LSAMP: variants seen among roughly 807,000 people sequenced by gnomAD.
The protein encoded by LSAMP is limbic system-associated membrane protein.
LSAMP carries 7 observed loss-of-function variants against 38.6 expected under a neutral mutation model. The ratio of observed to expected loss-of-function variants is 0.18; its 90% CI spans 0.10 to 0.34. The LOEUF is 0.34. Ranked by LOEUF, LSAMP falls within the 10% of genes least tolerant of loss-of-function variation. The pLI, the probability that LSAMP is intolerant of heterozygous loss-of-function variation, is 1.00. For synonymous variants in LSAMP, 154 were observed against 166.8 expected, an observed-to-expected ratio of 0.92 and a Z score of 0.59; for missense variants, 313 against 420.0, an observed-to-expected ratio of 0.75 and a Z score of 2.23.
chr3:116,306,959 T>C (rs1450554945), intron 1 of LSAMP, among the ~76,000 whole-genome samples: 1 of 151,982 alleles, frequency 6.6e-6, no homozygotes, highest in Non-Finnish European at 1.5e-5. Flanking sequence ...CAACTCATTG[T>C]CAATCTAAAG....
intron 3 of LSAMP, among the ~76,000 whole-genome samples, chr3:115,941,809 A>T (rs1937930450): frequency 6.6e-6 from 1 of 152,104 alleles, no homozygotes; most frequent in South Asian, 2.1e-4. Flanking sequence ...GATAAATGAG[A>T]AGATACTGAT....
intron 3 of LSAMP, among the ~76,000 whole-genome samples, chr3:115,862,981 C>A (rs535422762): frequency 1.3e-5 from 2 of 152,138 alleles, no homozygotes; most frequent in Non-Finnish European, 2.9e-5. Flanking sequence ...TGGGCCCATG[C>A]GCTCCTAGAA....
chr3:116,236,395 A>G (rs546697516), intron 1 of LSAMP, among the ~76,000 whole-genome samples: 4 of 152,254 alleles, frequency 2.6e-5, no homozygotes, highest in Non-Finnish European at 2.9e-5. Flanking sequence ...ATTTGTTTTA[A>G]GGTTCATGTT....
intron 2 of LSAMP, among the ~76,000 whole-genome samples, chr3:116,025,032 G>T (rs941864953): frequency 3.3e-5 from 5 of 151,862 alleles, no homozygotes; most frequent in Non-Finnish European, 7.4e-5. Flanking sequence ...TGCCTAGAAA[G>T]TACTGTTTAA....
chr3:115,843,447 G>T (rs1394422754), intron 4 of LSAMP, among the ~76,000 whole-genome samples: 1 of 152,220 alleles, frequency 6.6e-6, no homozygotes, highest in Non-Finnish European at 1.5e-5. Context: ...TCCTGAACTG[G>T]ATGATGCTGT....
chr3:116,373,967 C>T (rs191910682), intron 1 of LSAMP, among the ~76,000 whole-genome samples: 14 of 151,966 alleles, frequency 9.2e-5, no homozygotes, highest in Admixed American at 9.2e-4. Context: ...TCTTAAGAAT[C>T]CCAGAGTCCA....
rs76062136 is a variant in LSAMP, at chr3:116,156,993, AG to A, written c.156-70438del. ...GATATTCTAAGGACTCTAATGATTG[AG>A]TAGGCAGTCTCAGGAAGGAGGTTAT... On this transcript the variant is annotated intron_variant, in intron 1 of 6. Coordinates refer to ENST00000490035, the MANE Select transcript of LSAMP (RefSeq NM_002338.5). Among the ~76,000 whole-genome samples, 13 of 152,254 alleles carry A rather than the reference AG, an allele frequency of 8.5e-5. No individual in the cohort carries two copies. The East Asian group carries it at 1.9e-3, about 23-fold the overall frequency.
At chr3:116,300,425 A>ATTGAC (rs1302753061) in intron 1 of LSAMP, among the ~76,000 whole-genome samples, 1 of 152,174 alleles carries the variant, frequency 6.6e-6, no homozygotes, top group African/African-American at 2.4e-5. Flanking sequence ...CCGCTCTCCT[A>ATTGAC]TTGACTTGAT....
intron 1 of LSAMP, among the ~76,000 whole-genome samples, chr3:116,218,259 A>C (rs150530226): frequency 1.5e-4 from 23 of 152,298 alleles, no homozygotes; most frequent in African/African-American, 4.6e-4. Flanking sequence ...TGATGTAATC[A>C]ATCTCAGAAG....
Position 115,803,872 on chromosome 3 carries a change from G to A in LSAMP, c.*6445C>T, listed in dbSNP as rs1222694092. ...GAGTTTCCAAAGACACACATTTACT[G>A]TAATGAGGTACTTGGCCCAGGATGA... On this transcript the variant is annotated 3_prime_UTR_variant, in exon 7 of 7. Transcript: ENST00000490035. 1.3e-5 allele frequency: 2 copies of A among 152,170 alleles called. No individual in the cohort carries two copies. The allele number at this position is 152,170 out of a possible 1,614,324, so 9.4% of individuals were successfully genotyped here.
chr3:116,240,406 A>T (rs2046517304), intron 1 of LSAMP, among the ~76,000 whole-genome samples: 1 of 152,192 alleles, frequency 6.6e-6, no homozygotes, highest in Non-Finnish European at 1.5e-5. Flanking sequence ...AATCCACACT[A>T]GCAAGATTAA....
At chr3:116,046,157 C>A (rs371602946) in intron 2 of LSAMP, among the ~76,000 whole-genome samples, 4 of 152,306 alleles carry the variant, frequency 2.6e-5, no homozygotes, top group East Asian at 1.9e-4. Context: ...CATAGCATTT[C>A]CTAGAATTTA....
chr3:116,423,004 T>C (rs181344877), intron 1 of LSAMP, among the ~76,000 whole-genome samples: 117 of 152,260 alleles, frequency 7.7e-4, no homozygotes, highest in South Asian at 3.9e-3. Context: ...CCCGTGAGAG[T>C]TGTTACTTTA....
chr3:116,283,217 AAGAAG>A (rs1358662529), intron 1 of LSAMP, among the ~76,000 whole-genome samples: 1 of 128,636 alleles, frequency 7.8e-6, no homozygotes, highest in Non-Finnish European at 1.6e-5. Context: ...TCAGAAAAAA[AAGAAG>A]AAAGAAAGAA....
At chr3:115,889,023 G>A (rs893975711) in intron 3 of LSAMP, among the ~76,000 whole-genome samples, 2 of 151,786 alleles carry the variant, frequency 1.3e-5, no homozygotes, top group African/African-American at 4.8e-5. Context: ...CCAGTGAAGT[G>A]GAACCATGCC....
intron 1 of LSAMP, among the ~76,000 whole-genome samples, chr3:116,196,304 C>T (rs967557830): frequency 1.3e-5 from 2 of 152,150 alleles, no homozygotes; most frequent in African/African-American, 4.8e-5. Context: ...TCTAAGTCTT[C>T]TGTAAATATT....
intron 3 of LSAMP, among the ~76,000 whole-genome samples, chr3:115,946,345 A>G (rs1559891881): frequency 6.6e-6 from 1 of 152,150 alleles, no homozygotes; most frequent in Non-Finnish European, 1.5e-5. Flanking sequence ...GAACAAAAGG[A>G]ATGGAGTGTT....
intron 1 of LSAMP, among the ~76,000 whole-genome samples, chr3:116,224,524 G>A (rs962901806): frequency 1.2e-4 from 18 of 152,156 alleles, no homozygotes; most frequent in African/African-American, 4.3e-4. Context: ...TTGGAACAGG[G>A]ATATATTTTT....
chr3:115,978,036 G>A (rs1353825992), intron 3 of LSAMP, among the ~76,000 whole-genome samples: 2 of 151,348 alleles, frequency 1.3e-5, no homozygotes, highest in Non-Finnish European at 2.9e-5. Flanking sequence ...TTTGAAACAC[G>A]GTCTCTCTGT....
Sources: allele counts gnomAD v4.1 joint callset (sites outside exome capture counted in the v4.1 genomes callset), GRCh38; gene constraint gnomAD v4.1.1; transcripts MANE v1.5; gene names NCBI Gene and HGNC (gene_info 2026-07-23, HGNC 2026-07-21).